CYFIP2: variants seen among roughly 807,000 people sequenced by gnomAD.
CYFIP2 encodes the protein cytoplasmic FMR1-interacting protein 2.
Under a neutral mutation model 158.7 loss-of-function variants are expected in CYFIP2, and 29 were observed. The ratio of observed to expected loss-of-function variants is 0.18; its 90% CI spans 0.14 to 0.25. CYFIP2 has a LOEUF of 0.25. Among genes scored for constraint, CYFIP2 ranks in the 10% least tolerant of loss-of-function variants. The pLI is 1.00. For synonymous variants in CYFIP2, 585 were observed against 617.6 expected (o/e 0.95, Z 0.78); for missense variants, 852 against 1,639.5 (o/e 0.52, Z 8.29).
intron 23 of CYFIP2, among the ~76,000 whole-genome samples, chr5:157,357,852 C>A (rs1763520629): frequency 1.3e-5 from 2 of 151,862 alleles, no homozygotes; most frequent in Admixed American, 1.3e-4. Context: ...AGAAAAAAAC[C>A]TAAGTTTTGA....
chr5:157,346,466 G>A (rs1266691306), intron 23 of CYFIP2, among the ~76,000 whole-genome samples: 1 of 152,168 alleles, frequency 6.6e-6, no homozygotes, highest in Non-Finnish European at 1.5e-5. Flanking sequence ...AAGACAGAGA[G>A]ACTCAAGGGG....
At chr5:157,288,994 A>T (rs930522534) in intron 3 of CYFIP2, among the ~76,000 whole-genome samples, 3 of 152,148 alleles carry the variant, frequency 2.0e-5, no homozygotes, top group Non-Finnish European at 2.9e-5. Context: ...TATGTAAGGC[A>T]TTTTCATATA....
chr5:157,375,938 G>C (rs1315040085), intron 26 of CYFIP2: 1 of 152,074 alleles, frequency 6.6e-6, no homozygotes, highest in Non-Finnish European at 1.5e-5. Context: ...TTTTCTCTAA[G>C]CCCCGTTAGA....
At position 157,307,754 on chromosome 5, in the gene CYFIP2, A is replaced by C. The variant is rs1759369808; in HGVS notation, c.796-7A>C. 5 of 1,584,370 alleles carry C rather than the reference A, an allele frequency of 3.2e-6. No individual in the cohort carries two copies. Among genetic ancestry groups the C allele is most frequent in the Non-Finnish European group, 3.5e-6 (4 of 1,156,636 alleles). On this transcript the variant is annotated splice_region_variant and splice_polypyrimidine_tract_variant and intron_variant, in intron 8 of 30. Coordinates refer to ENST00000620254, the MANE Select transcript of CYFIP2 (RefSeq NM_001037333.3). The stretch of plus-strand genomic sequence containing the variant: ...AGTTTCTATGCTCTGCCCTCTTCTC[A>C]TTCTAGGTGATGGGCTTTGGCCTCT...
intron 1 of CYFIP2, among the ~76,000 whole-genome samples, chr5:157,274,373 CATA>C (rs1756375597): frequency 6.6e-6 from 1 of 152,146 alleles, no homozygotes; most frequent in Admixed American, 6.5e-5. Context: ...TTTCACTTAG[CATA>C]ATATTGTCAA....
rs1763815858 is a variant in CYFIP2 at position 157,361,406 on chromosome 5, T to C, written c.2909-62T>C. 8.1e-6 allele frequency: 13 copies of C among 1,608,924 alleles called. No individual in the cohort carries two copies. The highest frequency in any genetic ancestry group is 9.3e-6 in the Non-Finnish European group (11 of 1,177,546). On this transcript the variant is annotated intron_variant, in intron 25 of 30. Transcript: ENST00000620254. This position sits in a 1 kb window ranked among gnomAD's most constrained non-coding sequence, Gnocchi z 4.4. ...GTCTGGGGCTGCCACTCAGTCATTG[T>C]TTCCCATAGACCCTACTGAGCAGTG...
At chr5:157,329,478 G>A (rs1400348045) in intron 19 of CYFIP2, among the ~76,000 whole-genome samples, 1 of 152,218 alleles carries the variant, frequency 6.6e-6, no homozygotes, top group Non-Finnish European at 1.5e-5. Context: ...GAGATTCAGG[G>A]AAAGCCCAGG....
intron 23 of CYFIP2, among the ~76,000 whole-genome samples, chr5:157,354,995 A>C (rs1763318492): frequency 6.6e-6 from 1 of 151,964 alleles, no homozygotes; most frequent in Non-Finnish European, 1.5e-5. Context: ...TTTCAGCTTG[A>C]TCCTCTAGAG....
At chr5:157,367,837 C>A (rs917851019) in intron 26 of CYFIP2, among the ~76,000 whole-genome samples, 3 of 150,320 alleles carry the variant, frequency 2.0e-5, no homozygotes, top group Non-Finnish European at 4.4e-5. Flanking sequence ...TCACTGTAAC[C>A]TCCGCCTCCC....
chr5:157,325,102 A>C (rs1760914194), intron 16 of CYFIP2, among the ~76,000 whole-genome samples: 1 of 152,068 alleles, frequency 6.6e-6, no homozygotes, highest in Admixed American at 6.5e-5. Flanking sequence ...AGCCTCCCAA[A>C]GTGCTGGTAT....
rs1469090777 is a variant in CYFIP2 at position 157,394,999 on chromosome 5, T to A, written c.*1999T>A. 6.5e-6 allele frequency: 1 copy of A among 153,284 alleles called. No homozygotes were observed. The highest frequency in any genetic ancestry group is 1.5e-5 in the Non-Finnish European group (1 of 68,934). 9.5% of individuals were successfully genotyped at this position (153,284 alleles called of 1,614,324 possible). On this transcript the variant is annotated 3_prime_UTR_variant, in exon 31 of 31. Transcript: ENST00000620254. ...CTCTGTAGCTGATAGATGGCTAGAG[T>A]TCCATCCAAATCCTTGACCACGACT...
chr5:157,328,385 C>T (rs1022528321), intron 19 of CYFIP2, among the ~76,000 whole-genome samples: 10 of 152,146 alleles, frequency 6.6e-5, no homozygotes, highest in African/African-American at 2.2e-4. Flanking sequence ...GGCCATCTTG[C>T]GGAAGTGGCA....
chr5:157,375,299 T>C (rs1765356291), intron 26 of CYFIP2, among the ~76,000 whole-genome samples: 1 of 152,220 alleles, frequency 6.6e-6, no homozygotes, highest in South Asian at 2.1e-4. Flanking sequence ...TGCTCTATTA[T>C]ACTCTGCCTG....
chr5:157,292,416 T>C (rs918236445), intron 3 of CYFIP2, among the ~76,000 whole-genome samples: 1 of 152,008 alleles, frequency 6.6e-6, no homozygotes, highest in African/African-American at 2.4e-5. Context: ...ACAGGGTTTC[T>C]CCATGTTCAT....
chr5:157,385,486 G>A (rs539714327), intron 28 of CYFIP2, among the ~76,000 whole-genome samples: 2 of 152,218 alleles, frequency 1.3e-5, no homozygotes, highest in South Asian at 4.2e-4. Context: ...ATTTAAAGCC[G>A]GGAAGCTTGA....
intron 27 of CYFIP2, 173 bp from the exon 28 acceptor site, chr5:157,383,092 C>T: frequency 4.9e-6 from 3 of 608,062 alleles, no homozygotes; most frequent in Non-Finnish European, 8.8e-6. Context: ...AATCATAGAA[C>T]ATTTTTCCTT....
intron 23 of CYFIP2, among the ~76,000 whole-genome samples, chr5:157,351,323 G>A (rs1260197649): frequency 6.6e-6 from 1 of 152,140 alleles, no homozygotes; most frequent in Non-Finnish European, 1.5e-5. Flanking sequence ...AGGCTATAAT[G>A]AGCAAAGTTT....
In CYFIP2 at chr5:157,307,799, C is replaced by A; in HGVS notation, c.834C>A (p.Val278=). The change falls in exon 9 of 31, where the codon GTC becomes GTA. Residue 278 remains valine (V), a synonymous_variant. Coordinates refer to ENST00000620254, the MANE Select transcript of CYFIP2 (RefSeq NM_001037333.3). ...GCCTCTACCTAATGGATGGAAATGT[C>A]AGTAACATTTACAAACTGGATGCCA... ...GFGLYLMDGN[V]SNIYKLDAKK... is the part of the protein sequence containing the mutation. 1 of 1,611,556 alleles carries A rather than the reference C, an allele frequency of 6.2e-7. No homozygotes were observed. The highest frequency in any genetic ancestry group is 1.1e-5 in the South Asian group (1 of 90,526).
At chr5:157,384,121 C>T (rs987518974) in intron 28 of CYFIP2, 1 of 363,296 alleles carries the variant, frequency 2.8e-6, no homozygotes, top group Admixed American at 3.5e-5. Context: ...AGTGTTCTAA[C>T]AAGGGTGAAT....
Sources: allele counts gnomAD v4.1 joint callset (sites outside exome capture counted in the v4.1 genomes callset), GRCh38; gene constraint gnomAD v4.1.1; non-coding constraint Gnocchi (gnomAD v3.1); transcripts MANE v1.5; gene names NCBI Gene and HGNC (gene_info 2026-07-23, HGNC 2026-07-21).